ZNF680: variants seen among roughly 807,000 people sequenced by gnomAD.
ZNF680 encodes the protein hypothetical protein FLJ90430.
A neutral mutation model predicts 12.1 loss-of-function variants in ZNF680; 6 were observed. The observed-to-expected ratio is 0.49, with a 90% CI of 0.27 to 0.98. The LOEUF (loss-of-function observed/expected upper bound fraction) is 0.98. Among genes scored for constraint, ZNF680 ranks in the 50% least tolerant of loss-of-function variants. ZNF680 has a pLI of 0.12. For synonymous variants in ZNF680, 170 were observed against 199.3 expected, an observed-to-expected ratio of 0.85 and a Z score of 1.24; for missense variants, 561 against 616.3, an observed-to-expected ratio of 0.91 and a Z score of 0.95.
chr7:64,528,032 C>A (rs559705490), intron 3 of ZNF680, among the ~76,000 whole-genome samples: 3 of 152,150 alleles, frequency 2.0e-5, no homozygotes, highest in Non-Finnish European at 4.4e-5. Flanking sequence ...GAACATGCAC[C>A]CCCACTGGGG....
chr7:64,538,359 G>A (rs1262785368), intron 3 of ZNF680, among the ~76,000 whole-genome samples: 1 of 152,154 alleles, frequency 6.6e-6, no homozygotes, highest in Non-Finnish European at 1.5e-5. Flanking sequence ...GAAAATATTT[G>A]CAAATCACAT....
At chr7:64,532,882 A>G (rs1012951033) in intron 3 of ZNF680, among the ~76,000 whole-genome samples, 12 of 152,240 alleles carry the variant, frequency 7.9e-5, no homozygotes, top group South Asian at 2.1e-4. Flanking sequence ...ATGCAAGTCA[A>G]TAAGTGTGAT....
chr7:64,529,124 T>C (rs1785725124), intron 3 of ZNF680, among the ~76,000 whole-genome samples: 1 of 152,014 alleles, frequency 6.6e-6, no homozygotes. Flanking sequence ...AGGAAAAGGG[T>C]AGAATACCAA....
chr7:64,509,582 T>C, the ZNF680 span, among the ~76,000 whole-genome samples: 5 of 152,138 alleles, frequency 3.3e-5, no homozygotes, highest in Non-Finnish European at 7.4e-5. Context: ...AAGCCAAAAA[T>C]AGTATTAAAA....
the ZNF680 span, among the ~76,000 whole-genome samples, chr7:64,505,156 A>T: frequency 6.6e-6 from 1 of 152,254 alleles, no homozygotes; most frequent in Non-Finnish European, 1.5e-5. Context: ...CCGTGTTAGT[A>T]ATCAGGCCAT....
chr7:64,512,589 CAAG>C, the ZNF680 span, among the ~76,000 whole-genome samples: 2 of 150,774 alleles, frequency 1.3e-5, no homozygotes, highest in Admixed American at 1.3e-4. Flanking sequence ...TTCTTAAAAA[CAAG>C]AACACCACAA....
rs923939597 is a variant in ZNF680 at position 64,521,049 on chromosome 7, T to C, written c.*112A>G. On this transcript the variant is annotated 3_prime_UTR_variant, in exon 4 of 4. Coordinates refer to ENST00000309683, the MANE Select transcript of ZNF680 (RefSeq NM_178558.5). The stretch of plus-strand genomic sequence containing the variant: ...TTTACACTTATAAAGTTTTCTCCAA[T>C]ATAAATTATCTTACCTACAAGCAAG... 8.3e-6 allele frequency: 10 copies of C among 1,206,994 alleles called. No homozygotes were observed. Among genetic ancestry groups the C allele is most frequent in the African/African-American group, 1.5e-5 (1 of 65,636 alleles). The allele number at this position is 1,206,994 out of a possible 1,614,324, so 74.8% of individuals were successfully genotyped here.
Position 64,521,877 on chromosome 7 carries a change from G to C in ZNF680, c.877C>G (p.Pro293Ala). Residue 293 changes from proline (P) to alanine (A), a missense_variant, in exon 4 of 4, where the codon CCT becomes GCT. Transcript: ENST00000309683. ...KHKIIHTGDKPYKCDECHKAF... is the reference protein window; with the variant it reads ...KHKIIHTGDKAYKCDECHKAF... ...TTGTGACATTCATCACATTTGTAAG[G>C]TTTGTCTCCAGTATGAATTATCTTA... 1 of 1,612,972 alleles carries C rather than the reference G, an allele frequency of 6.2e-7. No homozygotes were observed. Among genetic ancestry groups the C allele is most frequent in the Non-Finnish European group, 8.5e-7 (1 of 1,179,580 alleles).
chr7:64,549,625 G>A (rs527278925), intron 1 of ZNF680, among the ~76,000 whole-genome samples: 1 of 151,840 alleles, frequency 6.6e-6, no homozygotes, highest in African/African-American at 2.4e-5. Flanking sequence ...ACAACCAAAG[G>A]AGAGATCCCC....
intron 3 of ZNF680, chr7:64,526,087 A>G: frequency 4.2e-6 from 4 of 948,966 alleles, no homozygotes; most frequent in Non-Finnish European, 5.0e-6. Context: ...TAAAATATAT[A>G]AAACAAAAAT....
At chr7:64,554,870 T>C (rs1261115658) in intron 1 of ZNF680, among the ~76,000 whole-genome samples, 1 of 152,126 alleles carries the variant, frequency 6.6e-6, no homozygotes, top group Non-Finnish European at 1.5e-5. Flanking sequence ...CGGGGCCCTC[T>C]GCCTAGGAAA....
At chr7:64,543,044 A>G (rs1786590457) in intron 3 of ZNF680, among the ~76,000 whole-genome samples, 1 of 151,370 alleles carries the variant, frequency 6.6e-6, no homozygotes, top group Non-Finnish European at 1.5e-5. Context: ...GATTGAAAGC[A>G]TAAATATTGT....
At chr7:64,499,523 C>T in the ZNF680 span, among the ~76,000 whole-genome samples, 3 of 152,172 alleles carry the variant, frequency 2.0e-5, no homozygotes, top group Non-Finnish European at 2.9e-5. Flanking sequence ...TTTGGGAGGC[C>T]GAAGCGGGCA....
intron 1 of ZNF680, 26 bp downstream of exon 1, chr7:64,562,899 C>A: frequency 6.2e-7 from 1 of 1,613,524 alleles, no homozygotes; most frequent in Non-Finnish European, 8.5e-7. Flanking sequence ...CTCCCCCTCT[C>A]TCGGGGTGTC....
At chr7:64,503,662 G>T in the ZNF680 span, among the ~76,000 whole-genome samples, 2 of 152,198 alleles carry the variant, frequency 1.3e-5, no homozygotes, top group Non-Finnish European at 2.9e-5. Flanking sequence ...TTACAGGCGT[G>T]AGCCACTGCA....
intron 1 of ZNF680, among the ~76,000 whole-genome samples, chr7:64,561,934 C>CAAAAAAAAAAAAAAAAAAAA (rs1187872173): frequency 3.7e-5 from 3 of 80,334 alleles, no homozygotes; most frequent in East Asian, 2.8e-4. Context: ...GACTCCGTCT[C>CAAAAAAAAAAAAAAAAAAAA]AAAAAAAAAA....
the ZNF680 span, among the ~76,000 whole-genome samples, chr7:64,502,581 G>A: frequency 1.3e-5 from 2 of 152,082 alleles, no homozygotes; most frequent in African/African-American, 2.4e-5. Context: ...GTGTTATAGT[G>A]TTACGATTTG....
intron 3 of ZNF680, among the ~76,000 whole-genome samples, chr7:64,538,762 T>C (rs141757627): frequency 2.7e-3 from 418 of 152,310 alleles, no homozygotes; most frequent in Non-Finnish European, 4.1e-3. Context: ...CACTTATGGA[T>C]CTACATCCAA....
chr7:64,525,504 G>A (rs1280322895), intron 3 of ZNF680: 1 of 153,160 alleles, frequency 6.5e-6, no homozygotes, highest in Non-Finnish European at 1.5e-5. Flanking sequence ...TACACTCTTA[G>A]AGAAAACAGA....
Sources: allele counts gnomAD v4.1 joint callset (sites outside exome capture counted in the v4.1 genomes callset), GRCh38; gene constraint gnomAD v4.1.1; transcripts MANE v1.5; gene names NCBI Gene and HGNC (gene_info 2026-07-23, HGNC 2026-07-21).